IL1RAPL1: variants seen among roughly 807,000 people sequenced by gnomAD.
The protein encoded by IL1RAPL1 is interleukin 1 receptor accessory protein like 1.
In IL1RAPL1, 3 loss-of-function variants were observed where a neutral mutation model predicts 48.4. The ratio of observed to expected loss-of-function variants is 0.06; its 90% CI spans 0.03 to 0.16. The LOEUF (loss-of-function observed/expected upper bound fraction) is 0.16. IL1RAPL1 is among the 10% of genes least tolerant of loss of function. The pLI is 1.00. For synonymous variants in IL1RAPL1, 185 were observed against 187.7 expected, an observed-to-expected ratio of 0.99 and a Z score of 0.12; for missense variants, 349 against 530.6, an observed-to-expected ratio of 0.66 and a Z score of 3.36.
At chrX:28,947,280 T>G (rs1310502089) in intron 2 of IL1RAPL1, among the ~76,000 whole-genome samples, 1 of 111,687 alleles carries the variant, frequency 9.0e-6, no homozygotes, top group African/African-American at 3.3e-5. Flanking sequence ...AATTGGGTTT[T>G]GATTTTCATC....
intron 2 of IL1RAPL1, among the ~76,000 whole-genome samples, chrX:29,140,459 A>T (rs1039702048): frequency 1.8e-5 from 2 of 112,046 alleles, no homozygotes; most frequent in Non-Finnish European, 3.8e-5. Flanking sequence ...ATATAGCAAA[A>T]TATATAAAAC....
chrX:28,655,802 A>T (rs1333154317), intron 1 of IL1RAPL1, among the ~76,000 whole-genome samples: 1 of 111,931 alleles, frequency 8.9e-6, no homozygotes, highest in Non-Finnish European at 1.9e-5. Context: ...CATGTTTTAT[A>T]TTAAAAAGGT....
intron 3 of IL1RAPL1, among the ~76,000 whole-genome samples, chrX:29,286,977 C>T (rs931724014): frequency 9.1e-6 from 1 of 110,048 alleles, no homozygotes; most frequent in African/African-American, 3.3e-5. Context: ...TTTTGTAAAA[C>T]TGTGGTACAA....
intron 3 of IL1RAPL1, among the ~76,000 whole-genome samples, chrX:29,365,761 C>T (rs536538814): frequency 2.4e-4 from 25 of 103,940 alleles, no homozygotes; most frequent in African/African-American, 6.3e-4. Flanking sequence ...AGAAATGGTC[C>T]GGCGCAGTTT....
At chrX:29,107,524 C>T (rs1228576444) in intron 2 of IL1RAPL1, among the ~76,000 whole-genome samples, 2 of 111,417 alleles carry the variant, frequency 1.8e-5, no homozygotes, top group Non-Finnish European at 3.8e-5. Context: ...ACATTTCCAT[C>T]CAAAAGAGGT....
chrX:28,850,050 T>C (rs1216668384), intron 2 of IL1RAPL1, among the ~76,000 whole-genome samples: 1 of 112,181 alleles, frequency 8.9e-6, no homozygotes, highest in African/African-American at 3.2e-5. Flanking sequence ...TTGTGGTCAA[T>C]TGAAATCTTT....
chrX:29,662,598 A>G (rs1925878654), intron 5 of IL1RAPL1, among the ~76,000 whole-genome samples: 1 of 112,262 alleles, frequency 8.9e-6, no homozygotes, highest in African/African-American at 3.2e-5. Context: ...GAATAAATGA[A>G]TATTTTTATA....
intron 1 of IL1RAPL1, among the ~76,000 whole-genome samples, chrX:28,626,364 A>G (rs187266106): frequency 8.9e-6 from 1 of 112,376 alleles, no homozygotes; most frequent in East Asian, 2.8e-4. Flanking sequence ...AGCATATGTT[A>G]ATGTGTTGTC....
chrX:29,644,888 C>T (rs763669706), intron 5 of IL1RAPL1, among the ~76,000 whole-genome samples: 7 of 112,898 alleles, frequency 6.2e-5, no homozygotes, highest in Middle Eastern at 4.7e-3. Context: ...TTGTTGAATT[C>T]TTGGTCATGC....
chrX:29,433,077 G>A (rs1934439997), intron 5 of IL1RAPL1, among the ~76,000 whole-genome samples: 1 of 109,947 alleles, frequency 9.1e-6, no homozygotes, highest in Admixed American at 9.7e-5. Context: ...GTCTGTTTAT[G>A]TACTGCTGCC....
At chrX:28,814,016 C>T (rs925843659) in intron 2 of IL1RAPL1, among the ~76,000 whole-genome samples, 2 of 110,523 alleles carry the variant, frequency 1.8e-5, no homozygotes, top group Non-Finnish European at 3.8e-5. Context: ...GAGGAGATTA[C>T]CTCAACTTCT....
At chrX:29,272,236 A>C in intron 2 of IL1RAPL1, among the ~76,000 whole-genome samples, 1 of 109,636 alleles carries the variant, frequency 9.1e-6, no homozygotes, top group Middle Eastern at 4.7e-3. Context: ...TTATTTCTAG[A>C]CTCTATTCTG....
In IL1RAPL1 at chrX:28,770,777, G is replaced by A. The variant is rs753388298; in HGVS notation, c.-24-18543G>A. On this transcript the variant is annotated intron_variant, in intron 1 of 10. Transcript: ENST00000378993. Reference sequence around the variant, plus strand: ...CTTTGTATGCATATTTTTGTAAGTCGTTGAAATACAGATTATTTGACCTCA... The same window carrying A: ...CTTTGTATGCATATTTTTGTAAGTCATTGAAATACAGATTATTTGACCTCA... 7.1e-5 allele frequency among the ~76,000 whole-genome samples: 8 copies of A among 112,102 alleles called. No individual in the cohort carries two copies. In the East Asian group the frequency reaches 2.3e-3, roughly 32 times the overall value.
intron 2 of IL1RAPL1, among the ~76,000 whole-genome samples, chrX:28,939,636 G>C (rs1924114739): frequency 9.0e-6 from 1 of 110,858 alleles, no homozygotes; most frequent in Admixed American, 9.6e-5. Context: ...TGTGACATGA[G>C]TGCACCTATA....
intron 1 of IL1RAPL1, among the ~76,000 whole-genome samples, chrX:28,755,017 G>C (rs1234996978): frequency 9.1e-6 from 1 of 109,688 alleles, no homozygotes; most frequent in African/African-American, 3.3e-5. Context: ...TTTTGAGATA[G>C]AGTTTCACTC....
chrX:29,913,662 A>T (rs1186632808), intron 6 of IL1RAPL1, among the ~76,000 whole-genome samples: 3 of 111,077 alleles, frequency 2.7e-5, no homozygotes, highest in African/African-American at 9.8e-5. Flanking sequence ...GAGTATTGTA[A>T]CATTCTCAAT....
intron 1 of IL1RAPL1, among the ~76,000 whole-genome samples, chrX:28,746,122 A>G (rs973098841): frequency 1.3e-4 from 14 of 111,234 alleles, no homozygotes; most frequent in African/African-American, 4.6e-4. Flanking sequence ...GATAGACTGG[A>G]TTAAGAAAAT....
chrX:29,555,061 C>G (rs1921947160), intron 5 of IL1RAPL1, among the ~76,000 whole-genome samples: 1 of 112,678 alleles, frequency 8.9e-6, no homozygotes, highest in South Asian at 3.6e-4. Context: ...TGAGAATCCC[C>G]TTTAACAGGC....
chrX:29,284,659 C>T (rs1238838027), intron 3 of IL1RAPL1, among the ~76,000 whole-genome samples: 2 of 111,986 alleles, frequency 1.8e-5, no homozygotes, highest in African/African-American at 6.5e-5. Context: ...GCAAAAGAAT[C>T]GCTTGAACCC....
Sources: gnomAD v4.1 joint callset for allele counts (sites outside exome capture counted in the v4.1 genomes callset) on GRCh38, gnomAD v4.1.1 for gene constraint, MANE v1.5 for transcripts, NCBI Gene and HGNC (gene_info 2026-07-23, HGNC 2026-07-21) for gene names.